The following RGS17 variants were observed in gnomAD, a reference collection of about 807,000 sequenced individuals.
RGS17 encodes the protein regulator of G protein signaling 17, also known as regulator of G-protein signaling 17.
RGS17 carries 12 observed loss-of-function variants against 25.5 expected under a neutral mutation model. The observed-to-expected ratio is 0.47, with a 90% CI of 0.30 to 0.76. The LOEUF (loss-of-function observed/expected upper bound fraction) is 0.76. Among genes scored for constraint, RGS17 ranks in the 30% least tolerant of loss-of-function variants. The pLI is 0.07. For synonymous variants in RGS17, 71 were observed against 76.9 expected (o/e 0.92, Z 0.40); for missense variants, 196 against 242.2 (o/e 0.81, Z 1.27).
At chr6:153,018,893 T>C (rs77280545) in intron 4 of RGS17, among the ~76,000 whole-genome samples, 2,435 of 152,338 alleles carry the variant, frequency 0.016, 68 homozygotes, top group African/African-American at 0.054. Context: ...ACTTAAATCA[T>C]TGAATGTGCT....
At chr6:153,023,112 A>G (rs537331259) in intron 4 of RGS17, among the ~76,000 whole-genome samples, 21 of 152,316 alleles carry the variant, frequency 1.4e-4, no homozygotes, top group African/African-American at 5.1e-4. Context: ...TAGGTACTGT[A>G]TATCTTATTA....
intron 1 of RGS17, among the ~76,000 whole-genome samples, chr6:153,125,100 T>G (rs1356422643): frequency 1.3e-5 from 2 of 152,232 alleles, no homozygotes; most frequent in African/African-American, 4.8e-5. Context: ...ATTCCATTTA[T>G]GTCATAATTT....
intron 1 of RGS17, among the ~76,000 whole-genome samples, chr6:153,119,873 C>T (rs1196841145): frequency 6.6e-6 from 1 of 152,130 alleles, no homozygotes; most frequent in Non-Finnish European, 1.5e-5. Flanking sequence ...TTATTATTTT[C>T]ATCATATCAT....
At chr6:153,057,587 T>G (rs1273764938) in intron 1 of RGS17, among the ~76,000 whole-genome samples, 1 of 152,192 alleles carries the variant, frequency 6.6e-6, no homozygotes, top group East Asian at 1.9e-4. Flanking sequence ...AAGACAATTT[T>G]TCCACGGATG....
intron 2 of RGS17, 24 bp downstream of exon 2, chr6:153,043,876 C>G (rs771248799): frequency 6.2e-5 from 92 of 1,478,904 alleles, no homozygotes; most frequent in Non-Finnish European, 8.2e-5. Flanking sequence ...CTGGGTGTGG[C>G]ATCCTACAGG....
chr6:153,037,480 C>T (rs1054760135), intron 2 of RGS17, among the ~76,000 whole-genome samples: 5 of 150,854 alleles, frequency 3.3e-5, no homozygotes, highest in African/African-American at 1.2e-4. Context: ...GGCTGGAGTG[C>T]AGTGGCGCAA....
At chr6:153,016,463 C>A (rs1253463018) in intron 4 of RGS17, among the ~76,000 whole-genome samples, 1 of 152,094 alleles carries the variant, frequency 6.6e-6, no homozygotes, top group African/African-American at 2.4e-5. Context: ...GGGTCATTTA[C>A]TTCTTAAAAA....
chr6:153,027,662 G>A (rs1358859617), intron 2 of RGS17, among the ~76,000 whole-genome samples: 2 of 152,142 alleles, frequency 1.3e-5, no homozygotes, highest in Admixed American at 6.5e-5. Context: ...TTACAGATGA[G>A]CAAAGTGAGG....
intron 2 of RGS17, among the ~76,000 whole-genome samples, chr6:153,043,313 G>A (rs1249519981): frequency 6.6e-6 from 1 of 152,262 alleles, no homozygotes; most frequent in East Asian, 1.9e-4. Context: ...AATGAACTGA[G>A]TTGGACTTCA....
intron 1 of RGS17, among the ~76,000 whole-genome samples, chr6:153,061,190 A>T (rs1418147691): frequency 6.6e-6 from 1 of 152,228 alleles, no homozygotes; most frequent in East Asian, 1.9e-4. Flanking sequence ...GAACAGCAGC[A>T]TTAGCTTGGG....
intron 4 of RGS17, among the ~76,000 whole-genome samples, chr6:153,015,583 A>C (rs1242144268): frequency 9.2e-5 from 14 of 152,160 alleles, no homozygotes; most frequent in Non-Finnish European, 1.9e-4. Context: ...TAAGGTATCC[A>C]CATTTTTAAG....
chr6:153,075,741 CGA>C (rs750076295), intron 1 of RGS17, among the ~76,000 whole-genome samples: 1 of 151,958 alleles, frequency 6.6e-6, no homozygotes, highest in Non-Finnish European at 1.5e-5. Context: ...AAACTGATAT[CGA>C]GTAATTTTCA....
At chr6:153,049,628 G>C (rs1209411997) in intron 1 of RGS17, among the ~76,000 whole-genome samples, 1 of 152,064 alleles carries the variant, frequency 6.6e-6, no homozygotes, top group Non-Finnish European at 1.5e-5. Context: ...GCGGGCGACT[G>C]TAGTCCCAAC....
intron 1 of RGS17, among the ~76,000 whole-genome samples, chr6:153,063,945 A>G (rs1383300832): frequency 1.6e-5 from 2 of 127,330 alleles, no homozygotes; most frequent in Non-Finnish European, 3.3e-5. Context: ...TAACATATGT[A>G]AAGTGCTGAA....
chr6:153,080,717 T>A, intron 1 of RGS17, among the ~76,000 whole-genome samples: 1 of 152,068 alleles, frequency 6.6e-6, no homozygotes. Flanking sequence ...CTTACTAACA[T>A]AAGAAGCATT....
intron 1 of RGS17, among the ~76,000 whole-genome samples, chr6:153,090,825 C>T (rs565918800): frequency 2.7e-5 from 4 of 148,472 alleles, no homozygotes; most frequent in Non-Finnish European, 5.9e-5. Flanking sequence ...AAACACAGCA[C>T]ATACAGGGTT....
intron 2 of RGS17, among the ~76,000 whole-genome samples, chr6:153,035,015 G>A (rs569272624): frequency 8.5e-5 from 13 of 152,098 alleles, no homozygotes; most frequent in South Asian, 6.2e-4. Context: ...TTAGCCAGGT[G>A]TGGTGGTGCA....
intron 2 of RGS17, among the ~76,000 whole-genome samples, chr6:153,040,228 C>A (rs771918993): frequency 4.6e-5 from 7 of 152,124 alleles, no homozygotes; most frequent in Non-Finnish European, 1.5e-5. Flanking sequence ...AATGGACCAG[C>A]TTAAATCACT....
In RGS17 at chr6:153,081,193, T is replaced by C. The variant is rs562363780; in HGVS notation, c.-25-37150A>G. Among the ~76,000 whole-genome samples, 5 of 152,278 alleles carry C rather than the reference T, an allele frequency of 3.3e-5. No homozygotes were observed. In the East Asian group the frequency reaches 5.8e-4, roughly 18 times the overall value. On this transcript the variant is annotated intron_variant, in intron 1 of 4. Coordinates refer to ENST00000206262, the MANE Select transcript of RGS17 (RefSeq NM_012419.5). ...GTTCTACCAATTATTCGGAAAGGAA[T>C]GTTAAAATCTCCAATTATTATTGTC...
Sources: allele counts gnomAD v4.1 joint callset (sites outside exome capture counted in the v4.1 genomes callset), GRCh38; gene constraint gnomAD v4.1.1; transcripts MANE v1.5; gene names NCBI Gene and HGNC (gene_info 2026-07-23, HGNC 2026-07-21).